Variants in PRKCB observed in about 807,000 individuals in gnomAD.
The protein encoded by PRKCB is protein kinase C beta, also known as protein kinase C beta type.
In PRKCB, 13 loss-of-function variants were observed where a neutral mutation model predicts 81.5. That is an observed-to-expected ratio of 0.16 (90% CI 0.10 to 0.25). The LOEUF is 0.25. Among genes scored for constraint, PRKCB ranks in the 10% least tolerant of loss-of-function variants. The pLI is 1.00. For missense variants in PRKCB, 509 were observed against 875.7 expected (o/e 0.58, Z 5.29); for synonymous variants, 335 against 321.4 (o/e 1.04, Z -0.45).
At chr16:24,061,146 C>T (rs1459988024) in intron 5 of PRKCB, among the ~76,000 whole-genome samples, 2 of 151,938 alleles carry the variant, frequency 1.3e-5, no homozygotes, top group Admixed American at 6.6e-5. Context: ...CTGCAACCTC[C>T]GCCTCCCGAA....
At chr16:23,859,885 A>AAGGGAG (rs59279623) in intron 2 of PRKCB, among the ~76,000 whole-genome samples, 78,928 of 145,118 alleles carry the variant, frequency 0.54, 21,668 homozygotes, top group Admixed American at 0.61. Context: ...GAGAGAGAGA[A>AAGGGAG]AGAGAGAGAG....
At chr16:23,921,527 C>T (rs1490223676) in intron 2 of PRKCB, among the ~76,000 whole-genome samples, 1 of 152,124 alleles carries the variant, frequency 6.6e-6, no homozygotes, top group Non-Finnish European at 1.5e-5. Flanking sequence ...CTAGGCCAGG[C>T]AAGATGGCTC....
intron 2 of PRKCB, among the ~76,000 whole-genome samples, chr16:23,912,042 C>T (rs1052720218): frequency 4.0e-5 from 6 of 151,338 alleles, no homozygotes; most frequent in South Asian, 4.2e-4. Context: ...ATGTTAGCCA[C>T]GCTAGTCTCG....
chr16:23,879,168 A>T (rs1023481310), intron 2 of PRKCB, among the ~76,000 whole-genome samples: 1 of 149,244 alleles, frequency 6.7e-6, no homozygotes, highest in African/African-American at 2.5e-5. Context: ...ACAGAATGAG[A>T]CTCCATCTCA....
intron 2 of PRKCB, among the ~76,000 whole-genome samples, chr16:23,964,194 T>A (rs1396501229): frequency 6.6e-6 from 1 of 152,260 alleles, no homozygotes; most frequent in African/African-American, 2.4e-5. Flanking sequence ...TGCTCATGGC[T>A]GATGTAGCTG....
intron 2 of PRKCB, among the ~76,000 whole-genome samples, chr16:23,979,251 C>T (rs196016): frequency 0.011 from 1,744 of 152,300 alleles, 19 homozygotes; most frequent in Non-Finnish European, 0.018. Context: ...CAGTGGCACA[C>T]GGTGTAGAAT....
intron 2 of PRKCB, among the ~76,000 whole-genome samples, chr16:23,891,823 C>T (rs1361661607): frequency 6.6e-6 from 1 of 152,194 alleles, no homozygotes; most frequent in Admixed American, 6.5e-5. Flanking sequence ...GTTTGTCCAT[C>T]ACATTGACGC....
chr16:24,143,754 G>A (rs1490990423), intron 9 of PRKCB, among the ~76,000 whole-genome samples: 2 of 152,166 alleles, frequency 1.3e-5, no homozygotes, highest in Non-Finnish European at 2.9e-5. Context: ...CCAATTTAGT[G>A]TGTGGGGACC....
chr16:23,872,545 A>G (rs1027632534), intron 2 of PRKCB, among the ~76,000 whole-genome samples: 3 of 152,018 alleles, frequency 2.0e-5, no homozygotes, highest in African/African-American at 7.3e-5. Flanking sequence ...AAATTAATAA[A>G]TAAAAGTTAA....
At chr16:23,836,768 C>CAG (rs1555477153) in intron 1 of PRKCB, among the ~76,000 whole-genome samples, 1 of 141,910 alleles carries the variant, frequency 7.0e-6, no homozygotes, top group African/African-American at 2.6e-5. Flanking sequence ...CCCTTGTTTC[C>CAG]GGGGGGGGCG....
intron 2 of PRKCB, among the ~76,000 whole-genome samples, chr16:23,982,201 C>G (rs1964743001): frequency 1.7e-5 from 1 of 59,742 alleles, no homozygotes; most frequent in Admixed American, 1.4e-4. Context: ...CTTCCCTTCC[C>G]CTTCCCTTCC....
At chr16:24,161,737 T>A (rs1180206035) in intron 10 of PRKCB, among the ~76,000 whole-genome samples, 1 of 152,164 alleles carries the variant, frequency 6.6e-6, no homozygotes, top group Non-Finnish European at 1.5e-5. Context: ...GAATATGGAT[T>A]TCATCATCTT....
At chr16:24,185,689 C>T (rs1042034599) in intron 15 of PRKCB, 122 bp downstream of exon 15, 17 of 772,520 alleles carry the variant, frequency 2.2e-5, no homozygotes, top group Non-Finnish European at 3.6e-5. Flanking sequence ...ACTCCATTTG[C>T]CAATATGAGA....
At chr16:23,888,019 A>C (rs955481856) in intron 2 of PRKCB, among the ~76,000 whole-genome samples, 2 of 152,204 alleles carry the variant, frequency 1.3e-5, no homozygotes, top group Non-Finnish European at 1.5e-5. Flanking sequence ...GCACACCTGC[A>C]TCTGACAGTT....
intron 2 of PRKCB, among the ~76,000 whole-genome samples, chr16:23,968,440 G>T (rs1964515669): frequency 6.6e-6 from 1 of 152,214 alleles, no homozygotes; most frequent in Admixed American, 6.5e-5. Context: ...AGCCTATTGA[G>T]AGCTGGGGCT....
chr16:23,867,591 T>A (rs1393026747), intron 2 of PRKCB, among the ~76,000 whole-genome samples: 1 of 152,254 alleles, frequency 6.6e-6, no homozygotes, highest in East Asian at 1.9e-4. Flanking sequence ...TTTGTGTTTG[T>A]GTTGTCTATT....
chr16:24,061,901 T>TTAAA (rs1483873979), intron 5 of PRKCB, among the ~76,000 whole-genome samples: 11 of 104,702 alleles, frequency 1.1e-4, no homozygotes, highest in East Asian at 3.1e-4. Context: ...CCCCTGCACC[T>TTAAA]TAAATAAATA....
intron 5 of PRKCB, among the ~76,000 whole-genome samples, chr16:24,077,196 G>A (rs1342037094): frequency 6.6e-6 from 1 of 152,172 alleles, no homozygotes; most frequent in Non-Finnish European, 1.5e-5. Context: ...GTGTGTGTGT[G>A]TCTGTGTGTC....
intron 5 of PRKCB, among the ~76,000 whole-genome samples, chr16:24,047,762 T>G (rs1341840541): frequency 6.6e-6 from 1 of 152,216 alleles, no homozygotes; most frequent in African/African-American, 2.4e-5. Flanking sequence ...TCTCATAGTC[T>G]TATCTTTCAG....
Sources: allele counts gnomAD v4.1 joint callset (sites outside exome capture counted in the v4.1 genomes callset), GRCh38; gene constraint gnomAD v4.1.1; transcripts MANE v1.5; gene names NCBI Gene and HGNC (gene_info 2026-07-23, HGNC 2026-07-21).